The following PTGES3 variants were observed in gnomAD, a reference collection of about 807,000 sequenced individuals.
PTGES3 encodes prostaglandin E synthase 3.
A neutral mutation model predicts 29.9 loss-of-function variants in PTGES3; 5 were observed. The observed-to-expected ratio is 0.17, with a 90% CI of 0.09 to 0.35. The LOEUF (loss-of-function observed/expected upper bound fraction) is 0.35, where lower values mean the gene tolerates loss of function less well. PTGES3 is among the 10% of genes least tolerant of loss of function. PTGES3 has a pLI of 1.00. For missense variants in PTGES3, 128 were observed against 190.0 expected (o/e 0.67, Z 1.92); for synonymous variants, 49 against 57.8 (o/e 0.85, Z 0.69).
At chr12:56,673,086 G>T in intron 1 of PTGES3, 21 bp from the exon 2 acceptor site, 1 of 1,528,890 alleles carries the variant, frequency 6.5e-7, no homozygotes, top group South Asian at 1.2e-5. Flanking sequence ...ATAAAGTAGG[G>T]AAAGTCAAGC....
At chr12:56,673,275 G>C (rs1952079344) in intron 1 of PTGES3, among the ~76,000 whole-genome samples, 1 of 151,898 alleles carries the variant, frequency 6.6e-6, no homozygotes, top group African/African-American at 2.4e-5. Flanking sequence ...TTCATAATAG[G>C]AAAGATTTAA....
At chr12:56,678,384 C>T (rs1040294720) in intron 1 of PTGES3, among the ~76,000 whole-genome samples, 1 of 152,048 alleles carries the variant, frequency 6.6e-6, no homozygotes, top group Non-Finnish European at 1.5e-5. Flanking sequence ...ACCATGTTGG[C>T]CAGGCTGGTC....
intron 6 of PTGES3, 165 bp from the exon 7 acceptor site, chr12:56,664,965 A>G (rs1951732167): frequency 4.1e-6 from 4 of 985,426 alleles, no homozygotes; most frequent in Non-Finnish European, 4.8e-6. Flanking sequence ...GGTTTACCTA[A>G]GGTGAATGGA....
At chr12:56,668,140 T>A (rs1951857985) in intron 5 of PTGES3, among the ~76,000 whole-genome samples, 1 of 151,990 alleles carries the variant, frequency 6.6e-6, no homozygotes, top group Non-Finnish European at 1.5e-5. Context: ...GTTAAAAGAG[T>A]AGATTTCATG....
intron 1 of PTGES3, 53 bp downstream of exon 1, chr12:56,687,945 A>T: frequency 6.2e-7 from 1 of 1,604,156 alleles, no homozygotes; most frequent in Non-Finnish European, 8.5e-7. Context: ...GGAGCCCCCA[A>T]CGCGGCCTCG....
chr12:56,666,936 T>C (rs1037697742), intron 5 of PTGES3, among the ~76,000 whole-genome samples: 8 of 146,732 alleles, frequency 5.5e-5, no homozygotes, highest in African/African-American at 1.0e-4. Flanking sequence ...CTTTTTTATT[T>C]TGAGATGGAG....
intron 1 of PTGES3, among the ~76,000 whole-genome samples, chr12:56,686,264 A>G (rs1363455338): frequency 1.3e-5 from 2 of 152,194 alleles, no homozygotes; most frequent in African/African-American, 2.4e-5. Flanking sequence ...CTGACAAAAA[A>G]TTTCCCCTTA....
chr12:56,672,880 A>T, intron 2 of PTGES3, 71 bp from the exon 3 acceptor site: 2 of 1,548,692 alleles, frequency 1.3e-6, no homozygotes, highest in South Asian at 2.4e-5. Context: ...TTCAATGAAA[A>T]GACAAGCCAG....
intron 5 of PTGES3, among the ~76,000 whole-genome samples, 184 bp from the exon 6 acceptor site, chr12:56,666,450 C>A (rs575924326): frequency 1.3e-5 from 2 of 152,164 alleles, no homozygotes; most frequent in South Asian, 4.2e-4. Flanking sequence ...TCCTAAAAAC[C>A]CATATGGAAA....
At chr12:56,678,601 T>C (rs1952377733) in intron 1 of PTGES3, among the ~76,000 whole-genome samples, 1 of 152,208 alleles carries the variant, frequency 6.6e-6, no homozygotes, top group Non-Finnish European at 1.5e-5. Flanking sequence ...CAATTTTTTA[T>C]AGTGAAGGGT....
At chr12:56,687,678 C>T in intron 1 of PTGES3, 1 of 1,270,462 alleles carries the variant, frequency 7.9e-7, no homozygotes. Flanking sequence ...CGCCGCATGG[C>T]GAGCAGCTAC....
chr12:56,672,135 A>C (rs966858917), intron 3 of PTGES3, among the ~76,000 whole-genome samples: 1 of 152,184 alleles, frequency 6.6e-6, no homozygotes, highest in African/African-American at 2.4e-5. Flanking sequence ...GCACACGATA[A>C]ACAGAATAAA....
At chr12:56,670,203 C>T in intron 5 of PTGES3, 72 bp downstream of exon 5, 1 of 1,044,694 alleles carries the variant, frequency 9.6e-7, no homozygotes, top group East Asian at 2.4e-5. Flanking sequence ...GTGCCCAAAA[C>T]CATATTAAAT....
intron 1 of PTGES3, chr12:56,686,813 C>G (rs1952885229): frequency 2.5e-6 from 1 of 398,204 alleles, no homozygotes; most frequent in African/African-American, 2.1e-5. Flanking sequence ...CTTTAGATTT[C>G]TAGCCAATAT....
At chr12:56,674,179 A>G (rs550744661) in intron 1 of PTGES3, among the ~76,000 whole-genome samples, 1 of 152,296 alleles carries the variant, frequency 6.6e-6, no homozygotes, top group South Asian at 2.1e-4. Context: ...ACAAGTAAAT[A>G]TGAGGTCTTA....
At chr12:56,674,672 A>C (rs975484764) in intron 1 of PTGES3, among the ~76,000 whole-genome samples, 3 of 151,334 alleles carry the variant, frequency 2.0e-5, no homozygotes, top group Non-Finnish European at 4.4e-5. Flanking sequence ...TAAAAATACA[A>C]AAAATTAGCC....
intron 1 of PTGES3, chr12:56,687,796 G>A: frequency 2.8e-6 from 4 of 1,432,870 alleles, no homozygotes; most frequent in Middle Eastern, 1.8e-4. Flanking sequence ...AACGGTTCAG[G>A]GGTGGGGGAA....
chr12:56,670,646 A>C, intron 4 of PTGES3: 1 of 278,164 alleles, frequency 3.6e-6, no homozygotes, highest in Non-Finnish European at 6.9e-6. Flanking sequence ...TGGTTACCTG[A>C]CATATGGCAA....
At chr12:56,679,995 GAA>G (rs907834919) in intron 1 of PTGES3, among the ~76,000 whole-genome samples, 1 of 151,712 alleles carries the variant, frequency 6.6e-6, no homozygotes, top group Non-Finnish European at 1.5e-5. Flanking sequence ...GTTAATAGGA[GAA>G]AAAGAGATGG....
Sources: gnomAD v4.1 joint callset for allele counts (sites outside exome capture counted in the v4.1 genomes callset) on GRCh38, gnomAD v4.1.1 for gene constraint, MANE v1.5 for transcripts, NCBI Gene and HGNC (gene_info 2026-07-23, HGNC 2026-07-21) for gene names.